The following PRKCB variants were observed in gnomAD, a reference collection of about 807,000 sequenced individuals.
PRKCB encodes protein kinase C beta type.
PRKCB carries 13 observed loss-of-function variants against 81.5 expected under a neutral mutation model. The ratio of observed to expected loss-of-function variants is 0.16; its 90% CI spans 0.10 to 0.25. The LOEUF (loss-of-function observed/expected upper bound fraction) is 0.25. Among genes scored for constraint, PRKCB ranks in the 10% least tolerant of loss-of-function variants. The probability of loss-of-function intolerance (pLI) is 1.00; values close to 1 mark genes in which losing one functional copy is unlikely to be tolerated. For synonymous variants in PRKCB, 335 were observed against 321.4 expected (o/e 1.04, Z -0.45); for missense variants, 509 against 875.7 (o/e 0.58, Z 5.29).
intron 3 of PRKCB, among the ~76,000 whole-genome samples, chr16:23,998,582 C>T (rs1964990006): frequency 6.6e-6 from 1 of 152,132 alleles, no homozygotes; most frequent in African/African-American, 2.4e-5. Context: ...CCATTTATGC[C>T]TTAGATTCCT....
chr16:24,069,996 G>A lies in PRKCB; in HGVS notation c.530-22795G>A, dbSNP rs116470937. 1.4e-3 allele frequency among the ~76,000 whole-genome samples: 220 copies of A among 152,238 alleles called. 2 individuals carry two copies. Among genetic ancestry groups the A allele is most frequent in the African/African-American group, 5.0e-3 (207 of 41,546 alleles). On this transcript the variant is annotated intron_variant, in intron 5 of 16. Coordinates refer to ENST00000643927, the MANE Select transcript of PRKCB (RefSeq NM_002738.7). ...GCTATGGCGTCACCACTGTCAATAC[G>A]ACAAATAAATGGATAATTACAGCAA...
At chr16:23,841,359 C>T (rs1008885856) in intron 2 of PRKCB, among the ~76,000 whole-genome samples, 1 of 152,128 alleles carries the variant, frequency 6.6e-6, no homozygotes, top group African/African-American at 2.4e-5. Flanking sequence ...AGATTACAGG[C>T]ATGAGCTACA....
chr16:24,053,542 C>T (rs868238168), intron 5 of PRKCB, among the ~76,000 whole-genome samples: 14 of 152,028 alleles, frequency 9.2e-5, no homozygotes, highest in Admixed American at 3.3e-4. Context: ...AAGTAAAATA[C>T]GAACAGTAAG....
chr16:24,147,326 C>G (rs893708594), intron 9 of PRKCB, among the ~76,000 whole-genome samples: 1 of 128,686 alleles, frequency 7.8e-6, no homozygotes, highest in South Asian at 2.7e-4. Flanking sequence ...AAAAAAACTT[C>G]ACAGCATATG....
At chr16:23,886,326 T>C (rs1001542226) in intron 2 of PRKCB, among the ~76,000 whole-genome samples, 2 of 152,068 alleles carry the variant, frequency 1.3e-5, no homozygotes, top group Admixed American at 6.5e-5. Context: ...AATCCCTGTC[T>C]GTGGGACTTT....
intron 3 of PRKCB, among the ~76,000 whole-genome samples, chr16:24,004,311 G>C (rs1461427236): frequency 2.0e-5 from 3 of 151,912 alleles, no homozygotes; most frequent in African/African-American, 4.8e-5. Context: ...AGGGACAAAA[G>C]TGTATCATGA....
intron 2 of PRKCB, among the ~76,000 whole-genome samples, chr16:23,956,952 A>G (rs1964356949): frequency 6.7e-6 from 1 of 149,582 alleles, no homozygotes; most frequent in African/African-American, 2.5e-5. Context: ...ACAAAAATAA[A>G]TTACAGGTGG....
At chr16:24,007,783 G>A (rs901975521) in intron 3 of PRKCB, among the ~76,000 whole-genome samples, 4 of 152,180 alleles carry the variant, frequency 2.6e-5, no homozygotes, top group Non-Finnish European at 5.9e-5. Context: ...GTAATTTCTG[G>A]AGCCTGCAGG....
intron 5 of PRKCB, among the ~76,000 whole-genome samples, chr16:24,058,049 T>C (rs909498594): frequency 1.2e-4 from 19 of 152,150 alleles, no homozygotes; most frequent in African/African-American, 4.6e-4. Flanking sequence ...TTTGTTCTTT[T>C]CCCATGATAG....
intron 1 of PRKCB, 49 bp from the exon 2 acceptor site, chr16:23,837,326 G>A: frequency 2.5e-6 from 4 of 1,611,784 alleles, no homozygotes; most frequent in Non-Finnish European, 3.4e-6. Flanking sequence ...ACTAGCTGGA[G>A]GCTGGGCCCC....
chr16:23,918,383 A>T (rs8056501), intron 2 of PRKCB, among the ~76,000 whole-genome samples: 141,592 of 147,514 alleles, frequency 0.96, 67,996 homozygotes, highest in East Asian at 1. Flanking sequence ...TTACCTTTTT[A>T]TTATTATTAT....
intron 2 of PRKCB, among the ~76,000 whole-genome samples, chr16:23,908,910 C>T (rs938977494): frequency 1.3e-5 from 2 of 152,200 alleles, no homozygotes; most frequent in Admixed American, 6.5e-5. Flanking sequence ...TGAAGAACAG[C>T]GTGGTGTCAC....
intron 9 of PRKCB, among the ~76,000 whole-genome samples, chr16:24,131,412 C>T (rs1966853208): frequency 1.3e-5 from 2 of 152,336 alleles, no homozygotes; most frequent in Admixed American, 6.5e-5. Flanking sequence ...TGGCCCCTTC[C>T]ACTAGGGTAC....
At chr16:24,177,483 A>T (rs1223577704) in intron 12 of PRKCB, among the ~76,000 whole-genome samples, 2 of 152,156 alleles carry the variant, frequency 1.3e-5, no homozygotes, top group African/African-American at 4.8e-5. Context: ...TTCTACTATA[A>T]ATAATGAAAA....
chr16:24,034,934 G>T (rs1001134155), intron 4 of PRKCB, among the ~76,000 whole-genome samples: 2 of 152,174 alleles, frequency 1.3e-5, no homozygotes, highest in African/African-American at 4.8e-5. Flanking sequence ...ACTCTTTCCA[G>T]GGAGCCCAAC....
chr16:24,168,716 ATT>A (rs945320742), intron 10 of PRKCB, among the ~76,000 whole-genome samples: 128 of 74,520 alleles, frequency 1.7e-3, no homozygotes, highest in African/African-American at 5.1e-3. Flanking sequence ...ATGCCTGGCT[ATT>A]TTTTTTTTTT....
chr16:23,861,308 A>G (rs1962660398), intron 2 of PRKCB, among the ~76,000 whole-genome samples: 1 of 152,114 alleles, frequency 6.6e-6, no homozygotes, highest in Non-Finnish European at 1.5e-5. Context: ...AGCTGGGACT[A>G]CAGGCATGTC....
At chr16:24,143,396 T>C (rs1205327950) in intron 9 of PRKCB, among the ~76,000 whole-genome samples, 1 of 152,038 alleles carries the variant, frequency 6.6e-6, no homozygotes, top group Non-Finnish European at 1.5e-5. Flanking sequence ...GCCTCCAAGG[T>C]GCTGGGACTA....
At chr16:24,146,151 G>A (rs1056851490) in intron 9 of PRKCB, among the ~76,000 whole-genome samples, 1 of 152,152 alleles carries the variant, frequency 6.6e-6, no homozygotes, top group Non-Finnish European at 1.5e-5. Flanking sequence ...TAGGAGGGAG[G>A]TGTGGATGGA....
Sources: allele counts gnomAD v4.1 joint callset (sites outside exome capture counted in the v4.1 genomes callset), GRCh38; gene constraint gnomAD v4.1.1; transcripts MANE v1.5; gene names NCBI Gene and HGNC (gene_info 2026-07-23, HGNC 2026-07-21).